Variants in ZNF608 observed in about 807,000 individuals in gnomAD.
ZNF608 encodes renal carcinoma antigen NY-REN-36.
ZNF608 carries 12 observed loss-of-function variants against 109.0 expected under a neutral mutation model. The observed-to-expected ratio is 0.11, with a 90% CI of 0.07 to 0.18. ZNF608 has a LOEUF of 0.18. ZNF608 is among the 10% of genes least tolerant of loss of function. The probability of loss-of-function intolerance (pLI) is 1.00; values close to 1 mark genes in which losing one functional copy is unlikely to be tolerated. For missense variants in ZNF608, 1,707 were observed against 1,879.3 expected, an observed-to-expected ratio of 0.91 and a Z score of 1.70; for synonymous variants, 732 against 717.4, an observed-to-expected ratio of 1.02 and a Z score of -0.33.
At position 124,646,778 on chromosome 5, in the gene ZNF608, C is replaced by T. The variant is rs374132245; in HGVS notation, c.3606G>A (p.Gln1202=). The T allele has an allele frequency of 2.7e-5, 43 of 1,614,122 alleles. No individual in the cohort carries two copies. In the African/African-American group the frequency reaches 5.3e-4, roughly 20 times the overall value. ...QLQADSFKAK[Q]MENHQLIKEA... Reference sequence around the variant, plus strand: ...CCTTAATAAGCTGGTGGTTTTCCATCTGCTTAGCTTTGAAGCTGTCGGCCT... The same window carrying T: ...CCTTAATAAGCTGGTGGTTTTCCATTTGCTTAGCTTTGAAGCTGTCGGCCT... The change falls in exon 5 of 10, where the codon CAG becomes CAA. Residue 1202 remains glutamine, a synonymous_variant. Transcript: ENST00000513986.
At chr5:124,640,001 A>G (rs566797986) in intron 8 of ZNF608, among the ~76,000 whole-genome samples, 2 of 152,300 alleles carry the variant, frequency 1.3e-5, no homozygotes, top group East Asian at 1.9e-4. Flanking sequence ...TTAGACTAGA[A>G]ATAAAACCTC....
At chr5:124,654,524 C>T (rs1750926737) in intron 3 of ZNF608, among the ~76,000 whole-genome samples, 1 of 152,220 alleles carries the variant, frequency 6.6e-6, no homozygotes, top group Non-Finnish European at 1.5e-5. Flanking sequence ...ACACGCATAC[C>T]AGGCACACTG....
In ZNF608 at chr5:124,715,968, C is replaced by G. The variant is rs565751443; in HGVS notation, c.907-14699G>C. Among the ~76,000 whole-genome samples, 196 of 151,862 alleles carry G rather than the reference C, an allele frequency of 1.3e-3. 1 individual carries two copies. The Middle Eastern group carries it at 0.02, about 16-fold the overall frequency. On this transcript the variant is annotated intron_variant, in intron 2 of 9. Transcript: ENST00000513986. ...ACCATCCTGGCTAACACGGTGAAAC[C>G]CTGTCTCTACTAAAAATACAAAAAA...
intron 2 of ZNF608, among the ~76,000 whole-genome samples, 181 bp from the exon 3 acceptor site, chr5:124,701,450 T>C (rs1375841115): frequency 6.6e-6 from 1 of 152,236 alleles, no homozygotes; most frequent in Non-Finnish European, 1.5e-5. Context: ...ATTTTGTTTT[T>C]TCATGCCAAA....
At chr5:124,683,556 G>T (rs974294880) in intron 3 of ZNF608, among the ~76,000 whole-genome samples, 14 of 152,076 alleles carry the variant, frequency 9.2e-5, no homozygotes, top group Non-Finnish European at 1.9e-4. Context: ...TCAAAATATA[G>T]AGGAAAATGC....
At position 124,648,527 on chromosome 5, in the gene ZNF608, A is replaced by G; in HGVS notation, c.1857T>C (p.Tyr619=). Reference sequence around the variant, plus strand: ...GGGATGCCGGTGCCTTCAACTGGTCATAAGCAGATACACTTGTGCTTGGCT... The same window carrying G: ...GGGATGCCGGTGCCTTCAACTGGTCGTAAGCAGATACACTTGTGCTTGGCT... The part of the protein sequence containing the change: ...CSEPSTSVSA[Y]DQLKAPASPG... The change falls in exon 5 of 10, where the codon TAT becomes TAC. Residue 619 remains tyrosine (Y), a synonymous_variant. Coordinates refer to ENST00000513986, the MANE Select transcript of ZNF608 (RefSeq NM_020747.3). 6.2e-7 allele frequency: 1 copy of G among 1,614,200 alleles called. No homozygotes were observed. Among genetic ancestry groups the G allele is most frequent in the Non-Finnish European group, 8.5e-7 (1 of 1,180,046 alleles).
In ZNF608 at chr5:124,746,278, A is replaced by T; in HGVS notation, c.-267T>A. ...CACTCGGCAAACAAGCCTGTGCCTC[A>T]TTTTACTTAAACACCAAATGATCAA... On this transcript the variant is annotated 5_prime_UTR_variant, in exon 1 of 10. The change abolishes an upstream ATG in the 5' untranslated region. Transcript: ENST00000513986. 1.0e-6 allele frequency: 1 copy of T among 985,444 alleles called. No homozygotes were observed. The allele number at this position is 985,444 out of a possible 1,614,324, so 61.0% of individuals were successfully genotyped here. A position where few individuals can be genotyped will look rare whatever the true frequency, so the allele number is the denominator to read the frequency against.
intron 2 of ZNF608, among the ~76,000 whole-genome samples, chr5:124,736,689 G>T (rs1749168969): frequency 6.6e-6 from 1 of 152,128 alleles, no homozygotes; most frequent in Non-Finnish European, 1.5e-5. Flanking sequence ...AGGACAAAAA[G>T]GTATACCAAA....
At chr5:124,656,847 C>G (rs991757011) in intron 3 of ZNF608, among the ~76,000 whole-genome samples, 5 of 129,018 alleles carry the variant, frequency 3.9e-5, no homozygotes, top group Non-Finnish European at 8.4e-5. Context: ...CACACACACA[C>G]ACACAGCTAA....
At position 124,647,538 on chromosome 5, in the gene ZNF608, C is replaced by T. The variant is rs747570753; in HGVS notation, c.2846G>A (p.Gly949Asp). The T allele has an allele frequency of 1.2e-6, 2 of 1,614,224 alleles. No individual in the cohort carries two copies. The highest frequency in any genetic ancestry group is 1.7e-6 in the Non-Finnish European group (2 of 1,180,036). Residue 949 changes from glycine to aspartate, a missense_variant, in exon 5 of 10, where the codon GGT becomes GAT. Coordinates refer to ENST00000513986, the MANE Select transcript of ZNF608 (RefSeq NM_020747.3). ...YSDISDAADD[G>D]GSDSRSEGMR... is the part of the protein sequence containing the mutation. Reference sequence around the variant, plus strand: ...ACCCTCCGACCTGCTGTCAGAACCACCATCGTCAGCAGCATCAGATATGTC... The same window carrying T: ...ACCCTCCGACCTGCTGTCAGAACCATCATCGTCAGCAGCATCAGATATGTC...
chr5:124,731,930 G>A (rs974121889), intron 2 of ZNF608, among the ~76,000 whole-genome samples: 2 of 152,150 alleles, frequency 1.3e-5, no homozygotes, highest in African/African-American at 2.4e-5. Flanking sequence ...TCAGGAATGA[G>A]CAATGGCACA....
intron 2 of ZNF608, among the ~76,000 whole-genome samples, chr5:124,705,598 C>T (rs567910431): frequency 1.3e-5 from 2 of 152,282 alleles, no homozygotes; most frequent in East Asian, 3.9e-4. Flanking sequence ...CTATATTTAA[C>T]ATAAATCTAT....
chr5:124,678,530 C>A (rs1273138370), intron 3 of ZNF608, among the ~76,000 whole-genome samples: 1 of 152,230 alleles, frequency 6.6e-6, no homozygotes, highest in Non-Finnish European at 1.5e-5. Flanking sequence ...CAACTTGGAA[C>A]TGCCATTCCC....
chr5:124,726,662 TAAAAAAAAAAA>T (rs142658513), intron 2 of ZNF608, among the ~76,000 whole-genome samples: 3 of 135,572 alleles, frequency 2.2e-5, no homozygotes, highest in African/African-American at 8.2e-5. Flanking sequence ...AAGATTTGTT[TAAAAAAAAAAA>T]AAAAAAAAAA....
Position 124,665,793 on chromosome 5 carries a change from C to T in ZNF608, c.1163-16096G>A, listed in dbSNP as rs547314053. Among the ~76,000 whole-genome samples the T allele has an allele frequency of 1.8e-4, 27 of 152,318 alleles. No homozygotes were observed. In the South Asian group the frequency reaches 5.2e-3, roughly 29 times the overall value. ...ATAACATGCCCAGCCATGGCAGATC[C>T]AGACTGTTGGCCTCTCCCACTACTC... On this transcript the variant is annotated intron_variant, in intron 3 of 9. Transcript: ENST00000513986.
chr5:124,643,605 G>C lies in ZNF608; in HGVS notation c.4202C>G (p.Thr1401Ser). 1 of 1,614,124 alleles carries C rather than the reference G, an allele frequency of 6.2e-7. No individual in the cohort carries two copies. Among genetic ancestry groups the C allele is most frequent in the Non-Finnish European group, 8.5e-7 (1 of 1,180,004 alleles). ...SGREETEKVNTSPSVNTKTTT... is the reference protein window; with the variant it reads ...SGREETEKVNSSPSVNTKTTT... The stretch of plus-strand genomic sequence containing the variant: ...TGTTTTCGTGTTGACGCTAGGGCTG[G>C]TATTGACTTTCTCTGTCTCTTCTCT... Residue 1401 changes from threonine (T) to serine (S), a missense_variant, in exon 7 of 10, where the codon ACC (threonine) becomes AGC (serine). Around this residue, in one of 7 missense-constraint regions of ZNF608, gnomAD observed 1,073 missense variants for 1,133.5 expected, o/e 0.95. Coordinates refer to ENST00000513986, the MANE Select transcript of ZNF608 (RefSeq NM_020747.3).
chr5:124,715,916 G>C (rs1483897528), intron 2 of ZNF608, among the ~76,000 whole-genome samples: 2 of 152,044 alleles, frequency 1.3e-5, no homozygotes, highest in Non-Finnish European at 2.9e-5. Flanking sequence ...GGCCGAGGCG[G>C]GCGGATCACG....
intron 3 of ZNF608, among the ~76,000 whole-genome samples, chr5:124,660,193 T>TGA (rs68069481): frequency 1.3e-3 from 164 of 128,794 alleles, no homozygotes; most frequent in East Asian, 7.4e-3. Flanking sequence ...TGTGTGTGTG[T>TGA]GAGAGAGAGA....
At chr5:124,680,986 A>G (rs1752170686) in intron 3 of ZNF608, among the ~76,000 whole-genome samples, 1 of 152,212 alleles carries the variant, frequency 6.6e-6, no homozygotes, top group East Asian at 1.9e-4. Flanking sequence ...AAGGAGAAAG[A>G]TCAGAAAAGA....
Sources: gnomAD v4.1 joint callset for allele counts (sites outside exome capture counted in the v4.1 genomes callset) on GRCh38, gnomAD v4.1.1 for gene constraint, gnomAD v4.1.1 regional missense constraint, MANE v1.5 for transcripts, NCBI Gene and HGNC (gene_info 2026-07-23, HGNC 2026-07-21) for gene names.